OR14A2: variants seen among roughly 807,000 people sequenced by gnomAD.
The protein encoded by OR14A2 is olfactory receptor 14A2.
For missense variants in OR14A2, 237 were observed against 152.9 expected (o/e 1.55, Z -2.90); for synonymous variants, 114 against 58.6 (o/e 1.95, Z -4.32).
the OR14A2 span, chr1:247,739,131 C>T: frequency 1.3e-6 from 1 of 780,872 alleles, no homozygotes; most frequent in Non-Finnish European, 2.4e-6. Flanking sequence ...TGATGAGCTA[C>T]ATCAGTTCTT....
chr1:247,743,445 T>G, the OR14A2 span, among the ~76,000 whole-genome samples: 1 of 152,178 alleles, frequency 6.6e-6, no homozygotes, highest in Non-Finnish European at 1.5e-5. Flanking sequence ...AGGGACAAAG[T>G]TTTGCACCAA....
the OR14A2 span, among the ~76,000 whole-genome samples, chr1:247,747,321 G>A: frequency 2.5e-4 from 37 of 150,596 alleles, no homozygotes; most frequent in African/African-American, 8.1e-4. Flanking sequence ...CTTTCCCCCC[G>A]TATAAACACT....
At chr1:247,726,574 T>G (rs1231379738), upstream of OR14A2, among the ~76,000 whole-genome samples, 1 of 124,476 alleles carries the variant, frequency 8.0e-6, no homozygotes, top group Non-Finnish European at 1.6e-5. Flanking sequence ...TTGTTGCCAT[T>G]GCTTTTGGTG....
chr1:247,727,510 G>T (rs1329919339), upstream of OR14A2, among the ~76,000 whole-genome samples: 5 of 151,832 alleles, frequency 3.3e-5, no homozygotes. Flanking sequence ...ACAATTAAAA[G>T]AACTAGAAAA....
At chr1:247,729,209 A>G in the OR14A2 span, among the ~76,000 whole-genome samples, 5 of 152,138 alleles carry the variant, frequency 3.3e-5, no homozygotes, top group Non-Finnish European at 7.4e-5. Flanking sequence ...ATTATCTCTT[A>G]AGACCATTAG....
upstream of OR14A2, among the ~76,000 whole-genome samples, chr1:247,724,407 GAATCCTTTGCTTTCAGA>G (rs1307293354): frequency 6.6e-6 from 1 of 152,058 alleles, no homozygotes; most frequent in Non-Finnish European, 1.5e-5. Flanking sequence ...GCTTCATGAT[GAATCCTTTGCTTTCAGA>G]AAAGCAATCC....
chr1:247,735,360 A>G, the OR14A2 span, among the ~76,000 whole-genome samples: 4 of 152,348 alleles, frequency 2.6e-5, no homozygotes, highest in Admixed American at 2.6e-4. Flanking sequence ...GTCTGTGTAC[A>G]CACACCAAAA....
At chr1:247,739,588 T>G in the OR14A2 span, 12 of 740,942 alleles carry the variant, frequency 1.6e-5, no homozygotes, top group South Asian at 9.0e-5. Flanking sequence ...AGTAACTTTT[T>G]TTGTTGTTGT....
upstream of OR14A2, chr1:247,724,140 A>C (rs1660278366): frequency 3.5e-6 from 2 of 571,040 alleles, no homozygotes. Context: ...GACTAGCAAG[A>C]GTCATATTGA....
chr1:247,747,917 T>G, the OR14A2 span, among the ~76,000 whole-genome samples: 2 of 152,156 alleles, frequency 1.3e-5, no homozygotes, highest in African/African-American at 2.4e-5. Context: ...AAATATCCTA[T>G]GGTTCCTGAG....
At chr1:247,738,566 T>A in the OR14A2 span, 2 of 713,000 alleles carry the variant, frequency 2.8e-6, no homozygotes, top group South Asian at 3.2e-5. Flanking sequence ...TTAATATTAG[T>A]ATGACACTTA....
chr1:247,723,883 T>C, exon 1 of OR14A2: 1 of 717,662 alleles, frequency 1.4e-6, no homozygotes, highest in Non-Finnish European at 2.6e-6. Context: ...CATGGGTGTT[T>C]GGAGCTTTAC....
the OR14A2 span, chr1:247,739,433 TG>T: frequency 6.4e-6 from 5 of 780,722 alleles, no homozygotes; most frequent in Non-Finnish European, 1.2e-5. Context: ...TGCTGGTGTC[TG>T]TGTTCTATTC....
chr1:247,733,547 T>C, the OR14A2 span, among the ~76,000 whole-genome samples: 1 of 152,126 alleles, frequency 6.6e-6, no homozygotes, highest in East Asian at 1.9e-4. Flanking sequence ...TTCCTCACTC[T>C]CCCTATATAA....
chr1:247,742,210 C>A, the OR14A2 span, among the ~76,000 whole-genome samples: 1 of 152,120 alleles, frequency 6.6e-6, no homozygotes, highest in Non-Finnish European at 1.5e-5. Flanking sequence ...TTATTTTAAT[C>A]ATGTAATTTC....
At chr1:247,723,354 T>G (rs1450498264) in exon 1 of OR14A2, 1 of 717,526 alleles carries the variant, frequency 1.4e-6, no homozygotes, top group South Asian at 1.5e-5. Flanking sequence ...TGGACTGACC[T>G]TTAGTGGTAG....
At chr1:247,748,053 ACTGT>A in the OR14A2 span, among the ~76,000 whole-genome samples, 19 of 152,100 alleles carry the variant, frequency 1.2e-4, no homozygotes, top group Admixed American at 1.0e-3. Flanking sequence ...GTTCCTTAAA[ACTGT>A]CTGATCATAT....
At chr1:247,730,848 C>G in the OR14A2 span, among the ~76,000 whole-genome samples, 1 of 152,000 alleles carries the variant, frequency 6.6e-6, no homozygotes, top group African/African-American at 2.4e-5. Context: ...TCTATTTGTA[C>G]TCTCATTGGA....
At chr1:247,728,247 T>A (rs1250297434), upstream of OR14A2, among the ~76,000 whole-genome samples, 4 of 152,180 alleles carry the variant, frequency 2.6e-5, no homozygotes, top group African/African-American at 7.2e-5. Context: ...GCTTCATCCC[T>A]GGGATGCAAG....
Sources: gnomAD v4.1 joint callset for allele counts (sites outside exome capture counted in the v4.1 genomes callset) on GRCh38, gnomAD v4.1.1 for gene constraint, MANE v1.5 for transcripts, NCBI Gene and HGNC (gene_info 2026-07-23, HGNC 2026-07-21) for gene names.